SRRM1: variants seen among roughly 807,000 people sequenced by gnomAD.
SRRM1 encodes serine and arginine repetitive matrix 1, also known as serine/arginine repetitive matrix protein 1.
SRRM1 carries 19 observed loss-of-function variants against 110.2 expected under a neutral mutation model. That is an observed-to-expected ratio of 0.17 (90% confidence interval 0.12 to 0.25). The LOEUF (loss-of-function observed/expected upper bound fraction) is 0.25, where lower values mean the gene tolerates loss of function less well. SRRM1 is among the 10% of genes least tolerant of loss of function. The probability of loss-of-function intolerance (pLI) is 1.00; values close to 1 mark genes in which losing one functional copy is unlikely to be tolerated. For missense variants in SRRM1, 918 were observed against 1,145.8 expected (o/e 0.80, Z 2.87); for synonymous variants, 443 against 414.9 (o/e 1.07, Z -0.82).
chr1:24,658,075 ATAAAG>A (rs1272772438), intron 9 of SRRM1, among the ~76,000 whole-genome samples: 5 of 152,214 alleles, frequency 3.3e-5, no homozygotes, highest in African/African-American at 1.2e-4. Context: ...CAACATTAAC[ATAAAG>A]TAAATGGTGT....
chr1:24,652,845 G>T, intron 7 of SRRM1, 68 bp from the exon 8 acceptor site: 1 of 1,525,302 alleles, frequency 6.6e-7, no homozygotes, highest in South Asian at 1.3e-5. Context: ...TGTGGCCATT[G>T]AGAAAACTAA....
rs2148775264 is a variant in SRRM1, at chr1:24,669,860, C to T, written c.2205-260C>T. 1.1e-5 allele frequency: 6 copies of T among 556,288 alleles called. No homozygotes were observed. The South Asian group carries it at 1.6e-4, about 15-fold the overall frequency. The allele number at this position is 556,288 out of a possible 1,614,324, so 34.5% of individuals were successfully genotyped here. A position where few individuals can be genotyped will look rare whatever the true frequency, so the allele number is the denominator to read the frequency against. On this transcript the variant is annotated intron_variant, in intron 14 of 16. Transcript: ENST00000323848. ...AACTTGAGTAAGACATTGAACATTTCTTGTGTGTGATGTAAGGAACTGACA... is the reference window on the plus strand; with the variant it reads ...AACTTGAGTAAGACATTGAACATTTTTTGTGTGTGATGTAAGGAACTGACA...
intron 12 of SRRM1, chr1:24,663,078 A>G (rs1668078420): frequency 1.8e-6 from 2 of 1,110,720 alleles, no homozygotes; most frequent in African/African-American, 1.6e-5. Flanking sequence ...ACTCCTGAAC[A>G]TCTTTGAATA....
At chr1:24,663,028 G>T in intron 12 of SRRM1, 1 of 895,502 alleles carries the variant, frequency 1.1e-6, no homozygotes, top group Non-Finnish European at 1.7e-6. Context: ...TCATATATGT[G>T]TGCATGATTA....
At chr1:24,644,186 G>A (rs1350261262) in intron 1 of SRRM1, among the ~76,000 whole-genome samples, 1 of 152,128 alleles carries the variant, frequency 6.6e-6, no homozygotes, top group Non-Finnish European at 1.5e-5. Flanking sequence ...AGGCAGGGAA[G>A]TTACTCCGTC....
chr1:24,643,494 C>A lies in SRRM1; in HGVS notation c.21+147C>A, dbSNP rs1048113164. On this transcript the variant is annotated intron_variant, in intron 1 of 16. Coordinates refer to ENST00000323848, the MANE Select transcript of SRRM1 (RefSeq NM_005839.4). ...CTAGAGCCGGCGCACCCCCCCCCCCCCCGTGCGCTGCGGCGGAGACCGGTG... is the reference window on the plus strand; with the variant it reads ...CTAGAGCCGGCGCACCCCCCCCCCCACCGTGCGCTGCGGCGGAGACCGGTG... 6.1e-5 allele frequency: 34 copies of A among 557,344 alleles called. 1 individual carries two copies. Among genetic ancestry groups the A allele is most frequent in the East Asian group, 2.2e-4 (6 of 27,432 alleles). 34.5% of individuals were successfully genotyped at this position (557,344 alleles called of 1,614,324 possible).
chr1:24,643,425 A>C, intron 1 of SRRM1, 78 bp downstream of exon 1: 1 of 1,311,856 alleles, frequency 7.6e-7, no homozygotes, highest in Non-Finnish European at 1.0e-6. Context: ...AGCTTGGCAC[A>C]GGGTGGCCAG....
rs1252110231 is a variant in SRRM1 at position 24,662,717 on chromosome 1, A to T, written c.1541A>T (p.Asn514Ile). Residue 514 changes from asparagine (N) to isoleucine (I), a missense_variant, in exon 12 of 17, where the codon AAT (asparagine) becomes ATT (isoleucine). Physicochemically the swap from Asn to Ile is moderately radical, Grantham distance 149. Around this residue, in one of 5 missense-constraint regions of SRRM1, gnomAD observed 357 missense variants for 402.9 expected, o/e 0.89. Coordinates refer to ENST00000323848, the MANE Select transcript of SRRM1 (RefSeq NM_005839.4). ...CGACCCAAGAGATCCCATGTGAAGA[A>T]TGGTGAGGTTGGCAGGCGGCGGAGA... is the stretch of plus-strand genomic sequence containing the variant. ...DERPKRSHVK[N>I]GEVGRRRRHS... 6.2e-7 allele frequency: 1 copy of T among 1,614,190 alleles called. No homozygotes were observed. The highest frequency in any genetic ancestry group is 8.5e-7 in the Non-Finnish European group (1 of 1,180,034).
chr1:24,662,661 C>T lies in SRRM1; in HGVS notation c.1485C>T (p.Asp495=), dbSNP rs1261096690. The T allele has an allele frequency of 1.9e-6, 3 of 1,613,458 alleles. No individual in the cohort carries two copies. Among genetic ancestry groups the T allele is most frequent in the Non-Finnish European group, 1.7e-6 (2 of 1,179,802 alleles). The change falls in exon 12 of 17, where the codon GAC becomes GAT. Residue 495 remains aspartate, a splice_region_variant and synonymous_variant. Coordinates refer to ENST00000323848, the MANE Select transcript of SRRM1 (RefSeq NM_005839.4). ...YRRQNQQSSS[D]SGSSSSSEDE... ...ATTTTTTTAATTTTGTAATTATAGA[C>T]TCTGGCTCCTCCTCCTCCTCAGAAG...
chr1:24,648,227 A>G (rs1658592539), intron 3 of SRRM1: 1 of 152,218 alleles, frequency 6.6e-6, no homozygotes, highest in African/African-American at 2.4e-5. Context: ...TGACCAACGG[A>G]TTTAGCATTT....
chr1:24,649,622 T>A (rs964099298), intron 4 of SRRM1, among the ~76,000 whole-genome samples: 1 of 152,254 alleles, frequency 6.6e-6, no homozygotes, highest in African/African-American at 2.4e-5. Context: ...AAACTCTTAA[T>A]ATGGGCAATA....
chr1:24,668,485 T>C (rs959675919), intron 13 of SRRM1, among the ~76,000 whole-genome samples: 4 of 152,228 alleles, frequency 2.6e-5, no homozygotes, highest in Non-Finnish European at 1.5e-5. Flanking sequence ...ATTGTAAAGC[T>C]AACTCTGGGC....
chr1:24,651,896 G>A (rs1363544133), intron 6 of SRRM1, among the ~76,000 whole-genome samples: 1 of 150,956 alleles, frequency 6.6e-6, no homozygotes, highest in Admixed American at 6.6e-5. Context: ...TTTAAGAAAT[G>A]TATGTGGTTG....
chr1:24,646,613 G>A, intron 2 of SRRM1, 54 bp from the exon 3 acceptor site: 1 of 1,488,100 alleles, frequency 6.7e-7, no homozygotes, highest in Non-Finnish European at 9.0e-7. Context: ...TCTAACTTGA[G>A]CATTTTTTTT....
chr1:24,648,850 T>C lies in SRRM1; in HGVS notation c.235-9T>C. 6.2e-7 allele frequency: 1 copy of C among 1,607,560 alleles called. No individual in the cohort carries two copies. Among genetic ancestry groups the C allele is most frequent in the Non-Finnish European group, 8.5e-7 (1 of 1,178,224 alleles). ...AACCTGTTTTTCTTCCTGTCGTGTC[T>C]TTTTGCAGAATCCAGACTCCAAAAT... is the stretch of plus-strand genomic sequence containing the variant. On this transcript the variant is annotated splice_polypyrimidine_tract_variant and intron_variant, in intron 3 of 16. Coordinates refer to ENST00000323848, the MANE Select transcript of SRRM1 (RefSeq NM_005839.4).
chr1:24,668,009 G>A (rs1333011972), intron 13 of SRRM1, among the ~76,000 whole-genome samples: 1 of 108,156 alleles, frequency 9.2e-6, no homozygotes, highest in Non-Finnish European at 1.7e-5. Flanking sequence ...GTCTCACTCT[G>A]TCACCCAGGC....
At chr1:24,649,295 A>C (rs1331990735) in intron 4 of SRRM1, among the ~76,000 whole-genome samples, 1 of 152,170 alleles carries the variant, frequency 6.6e-6, no homozygotes, top group African/African-American at 2.4e-5. Context: ...TGAATTTAAC[A>C]CTGAAAGGTA....
At chr1:24,661,041 G>C (rs1209835440) in intron 10 of SRRM1, 6 of 537,022 alleles carry the variant, frequency 1.1e-5, no homozygotes, top group Non-Finnish European at 1.7e-5. Context: ...GGACAGTAGA[G>C]GTTTTTGACA....
chr1:24,644,666 A>G (rs530995446), intron 1 of SRRM1, among the ~76,000 whole-genome samples: 1 of 152,354 alleles, frequency 6.6e-6, no homozygotes, highest in African/African-American at 2.4e-5. Flanking sequence ...TTATTTTGGA[A>G]TGATAGTTTC....
Sources: allele counts gnomAD v4.1 joint callset (sites outside exome capture counted in the v4.1 genomes callset), GRCh38; gene constraint gnomAD v4.1.1; regional missense constraint gnomAD v4.1.1; transcripts MANE v1.5; gene names NCBI Gene and HGNC (gene_info 2026-07-23, HGNC 2026-07-21).